Variants in SORBS2 observed in about 807,000 individuals in gnomAD.
SORBS2 encodes the protein sorbin and SH3 domain containing 2.
A neutral mutation model predicts 97.7 loss-of-function variants in SORBS2; 46 were observed. That is an observed-to-expected ratio of 0.47 (90% CI 0.37 to 0.60). The LOEUF is 0.60. Among genes scored for constraint, SORBS2 ranks in the 20% least tolerant of loss-of-function variants. The probability of loss-of-function intolerance (pLI) is 0.00; values close to 1 mark genes in which losing one functional copy is unlikely to be tolerated. For synonymous variants in SORBS2, 476 were observed against 473.4 expected (o/e 1.01, Z -0.07); for missense variants, 1,316 against 1,282.3 (o/e 1.03, Z -0.40).
intron 2 of SORBS2, among the ~76,000 whole-genome samples, chr4:185,683,899 G>A (rs2097911082): frequency 6.6e-6 from 1 of 152,138 alleles, no homozygotes. Flanking sequence ...TATGCATAAT[G>A]AGAATTAAAA....
Position 185,762,817 on chromosome 4 carries a change from A to G in SORBS2, c.-198+12410T>C, listed in dbSNP as rs1316733661. ...TTATATGCTTTCATGAACTTTACTT[A>G]TGAACGAGTTAAGAACATGGCATCC... On this transcript the variant is annotated intron_variant, in intron 2 of 20. Transcript: ENST00000284776. 4.6e-5 allele frequency among the ~76,000 whole-genome samples: 7 copies of G among 152,318 alleles called. No individual in the cohort carries two copies. In the East Asian group the frequency reaches 1.3e-3, roughly 29 times the overall value.
intron 12 of SORBS2, among the ~76,000 whole-genome samples, chr4:185,610,775 C>A (rs2096524875): frequency 6.6e-6 from 1 of 152,008 alleles, no homozygotes; most frequent in African/African-American, 2.4e-5. Flanking sequence ...GATGGTTTAG[C>A]TTTTCATGTC....
rs141921652 is a variant in SORBS2 at position 185,819,177 on chromosome 4, C to T, written c.-337-43811G>A. On this transcript the variant is annotated intron_variant, in intron 1 of 20. Coordinates refer to the SORBS2 transcript ENST00000284776. ...GAGACAGAGCTATATTTTTCTCTCA[C>T]TTGAAGGATTGAGAAATAAGGAGTT... 4.2e-3 allele frequency among the ~76,000 whole-genome samples: 641 copies of T among 152,308 alleles called. 7 individuals carry two copies. The highest frequency in any genetic ancestry group is 0.014 in the Middle Eastern group (4 of 294).
chr4:185,736,107 A>C (rs1363079185), intron 2 of SORBS2, among the ~76,000 whole-genome samples: 1 of 152,050 alleles, frequency 6.6e-6, no homozygotes, highest in Non-Finnish European at 1.5e-5. Context: ...GCTCAGACAC[A>C]CTCTCCACTG....
At chr4:185,759,419 G>T (rs562556581) in intron 2 of SORBS2, among the ~76,000 whole-genome samples, 2 of 152,312 alleles carry the variant, frequency 1.3e-5, no homozygotes, top group African/African-American at 4.8e-5. Context: ...AAACAGAACA[G>T]AGTTTGTGTA....
chr4:185,804,596 G>A (rs553669800), intron 1 of SORBS2, among the ~76,000 whole-genome samples: 6 of 152,090 alleles, frequency 3.9e-5, no homozygotes, highest in Non-Finnish European at 7.4e-5. Flanking sequence ...CTACTTTTTA[G>A]TATTTGGTAT....
intron 6 of SORBS2, 74 bp from the exon 19 acceptor site, chr4:185,624,568 T>C: frequency 2.1e-6 from 3 of 1,452,134 alleles, no homozygotes; most frequent in South Asian, 1.4e-5. Flanking sequence ...GAGGAGAGCA[T>C]GTCAGTAAAG....
chr4:185,774,550 G>A (rs888230602), intron 2 of SORBS2: 14 of 152,084 alleles, frequency 9.2e-5, no homozygotes, highest in African/African-American at 1.2e-4. Context: ...GGGGGAGAGG[G>A]GAGCCACAGA....
At chr4:185,954,141 T>C (rs993919453) in intron 1 of SORBS2, among the ~76,000 whole-genome samples, 2 of 152,230 alleles carry the variant, frequency 1.3e-5, no homozygotes, top group African/African-American at 2.4e-5. Flanking sequence ...TCATCCAAGA[T>C]ACCCTCCTTC....
intron 2 of SORBS2, among the ~76,000 whole-genome samples, chr4:185,729,200 A>C (rs1462632663): frequency 6.6e-6 from 1 of 152,244 alleles, no homozygotes; most frequent in East Asian, 1.9e-4. Flanking sequence ...GTGAAGTATA[A>C]GTTCCACTGG....
At chr4:185,702,593 CAG>C (rs1004321500) in intron 2 of SORBS2, among the ~76,000 whole-genome samples, 1 of 151,830 alleles carries the variant, frequency 6.6e-6, no homozygotes, top group African/African-American at 2.4e-5. Context: ...GAGGAAGTGG[CAG>C]AGTCAGAGTT....
chr4:185,799,493 A>C (rs973384329), intron 1 of SORBS2, among the ~76,000 whole-genome samples: 4 of 152,214 alleles, frequency 2.6e-5, no homozygotes, highest in Non-Finnish European at 5.9e-5. Context: ...CGAGCATTAG[A>C]GTCCCGCTGA....
At chr4:185,825,212 G>GT (rs146561971) in intron 1 of SORBS2, among the ~76,000 whole-genome samples, 92,941 of 147,468 alleles carry the variant, frequency 0.63, 29,508 homozygotes, top group Non-Finnish European at 0.68. Context: ...TCTGTTTTTT[G>GT]TTTTTTTTTT....
intron 2 of SORBS2, among the ~76,000 whole-genome samples, chr4:185,756,548 T>C (rs1275902833): frequency 1.3e-5 from 2 of 152,204 alleles, no homozygotes; most frequent in African/African-American, 4.8e-5. Flanking sequence ...GATCTTTACA[T>C]TACCTTAACT....
intron 1 of SORBS2, among the ~76,000 whole-genome samples, chr4:185,920,868 T>G (rs969984255): frequency 6.6e-6 from 1 of 152,226 alleles, no homozygotes; most frequent in South Asian, 2.1e-4. Flanking sequence ...AAGTCATCTG[T>G]ACAAATTCAC....
At chr4:185,762,853 C>CGTATTTTTAGTTAAT (rs2098907689) in intron 2 of SORBS2, among the ~76,000 whole-genome samples, 1 of 152,096 alleles carries the variant, frequency 6.6e-6, no homozygotes, top group South Asian at 2.1e-4. Flanking sequence ...CAAAATACAC[C>CGTATTTTTAGTTAAT]ACTCTGGCAT....
Position 185,606,946 on chromosome 4 carries a change from T to C in SORBS2, c.2796+4834A>G. 1 of 992,072 alleles carries C rather than the reference T, an allele frequency of 1.0e-6. No homozygotes were observed. 61.5% of individuals were successfully genotyped at this position (992,072 alleles called of 1,614,324 possible). A position where few individuals can be genotyped will look rare whatever the true frequency, so the allele number is the denominator to read the frequency against. On this transcript the variant is annotated intron_variant, in intron 12 of 14. Coordinates refer to ENST00000418609, the Ensembl canonical transcript of SORBS2. The surrounding 1 kb of genome is among the most constrained non-coding windows in gnomAD (Gnocchi z 4.3). ...GAAGCCCCTTCTCATTTTTCTCAAC[T>C]CTGCAAAGTTGCTTTGAGTTGTCGT...
chr4:185,911,653 G>A (rs1297523284), intron 1 of SORBS2, among the ~76,000 whole-genome samples: 1 of 152,154 alleles, frequency 6.6e-6, no homozygotes, highest in African/African-American at 2.4e-5. Context: ...ACTGACATTT[G>A]CTGTCACGTT....
intron 2 of SORBS2, among the ~76,000 whole-genome samples, chr4:185,756,396 C>T (rs2098831053): frequency 6.6e-6 from 1 of 152,102 alleles, no homozygotes; most frequent in South Asian, 2.1e-4. Context: ...GAGAATATTT[C>T]ACAAAATTCA....
Sources: gnomAD v4.1 joint callset for allele counts (sites outside exome capture counted in the v4.1 genomes callset) on GRCh38, gnomAD v4.1.1 for gene constraint, Gnocchi (gnomAD v3.1) non-coding constraint, MANE v1.5 for transcripts, NCBI Gene and HGNC (gene_info 2026-07-23, HGNC 2026-07-21) for gene names.